The following TET2 variants were observed in gnomAD, a reference collection of about 807,000 sequenced individuals.
The protein encoded by TET2 is tet methylcytosine dioxygenase 2.
A neutral mutation model predicts 142.9 loss-of-function variants in TET2; 299 were observed. That is an observed-to-expected ratio of 2.09 (90% CI 1.90 to 2.30). The LOEUF (loss-of-function observed/expected upper bound fraction) is 2.30. TET2 is among the 30% of genes most tolerant of loss of function. The pLI, the probability that TET2 is intolerant of heterozygous loss-of-function variation, is 0.00. For missense variants in TET2, 2,418 were observed against 2,378.0 expected (o/e 1.02, Z -0.35); for synonymous variants, 819 against 849.0 (o/e 0.96, Z 0.61).
chr4:105,166,100 AAAAG>A (rs1233186116), intron 1 of TET2, among the ~76,000 whole-genome samples: 2 of 152,294 alleles, frequency 1.3e-5, no homozygotes, highest in East Asian at 1.9e-4. Context: ...TGCTAATTGA[AAAAG>A]AAAACACATC....
chr4:105,158,811 GAAAA>G (rs57197640), intron 1 of TET2, among the ~76,000 whole-genome samples: 1 of 143,348 alleles, frequency 7.0e-6, no homozygotes, highest in African/African-American at 2.5e-5. Context: ...CTCTTTTTTG[GAAAA>G]AAAAAAAGAA....
At position 105,269,684 on chromosome 4, in the gene TET2, A is replaced by C. The variant is rs557818132; in HGVS notation, c.4119A>C (p.Ala1373=). 3 of 1,551,672 alleles carry C rather than the reference A, an allele frequency of 1.9e-6. No individual in the cohort carries two copies. The change falls in exon 9 of 11, where the codon GCA becomes GCC. Residue 1373 remains alanine (A), a synonymous_variant. Transcript: ENST00000380013. ...KEGRPFSGVT[A]CLDFCAHAHR... is the part of the protein sequence containing the mutation. Reference sequence around the variant, plus strand: ...GCCGTCCATTCTCAGGGGTCACTGCATGTTTGGACTTCTGTGCTCATGCCC... The same window carrying C: ...GCCGTCCATTCTCAGGGGTCACTGCCTGTTTGGACTTCTGTGCTCATGCCC...
intron 1 of TET2, chr4:105,147,920 A>T (rs1443016282): frequency 6.6e-6 from 1 of 152,208 alleles, no homozygotes; most frequent in Non-Finnish European, 1.5e-5. Flanking sequence ...AATGAAACCC[A>T]ATCCCAGCAA....
chr4:105,179,659 T>A (rs2110444929), intron 1 of TET2, among the ~76,000 whole-genome samples: 1 of 152,352 alleles, frequency 6.6e-6, no homozygotes, highest in East Asian at 1.9e-4. Flanking sequence ...TACACTTAGA[T>A]GATTTGTGTC....
At chr4:105,162,719 CTTTTT>C (rs939683280) in intron 1 of TET2, among the ~76,000 whole-genome samples, 1 of 151,958 alleles carries the variant, frequency 6.6e-6, no homozygotes, top group East Asian at 1.9e-4. Flanking sequence ...GCTGCATTTT[CTTTTT>C]TTTAAGTGTT....
chr4:105,235,755 T>C lies in TET2; in HGVS notation c.1813T>C (p.Tyr605His), dbSNP rs758883766. The change falls in exon 3 of 11, where the codon TAC becomes CAC. Residue 605 changes from tyrosine (Y) to histidine (H), a missense_variant. Physicochemically the swap from Tyr to His is moderately conservative, Grantham distance 83. Coordinates refer to ENST00000380013, the MANE Select transcript of TET2 (RefSeq NM_001127208.3). ...CTCCAATCAAATGACCTCCAAACAATACACTGGAAATTCCAACATGCCTGG... is the reference window on the plus strand; with the variant it reads ...CTCCAATCAAATGACCTCCAAACAACACACTGGAAATTCCAACATGCCTGG... ...NLSNQMTSKQYTGNSNMPGGL... is the reference protein window; with the variant it reads ...NLSNQMTSKQHTGNSNMPGGL... The C allele has an allele frequency of 1.2e-6, 2 of 1,614,052 alleles. No individual in the cohort carries two copies. Among genetic ancestry groups the C allele is most frequent in the Middle Eastern group, 1.6e-4 (1 of 6,062 alleles).
Position 105,236,559 on chromosome 4 carries a change from A to C in TET2, c.2617A>C (p.Ile873Leu), listed in dbSNP as rs1016637304. Residue 873 changes from isoleucine (I) to leucine (L), a missense_variant, in exon 3 of 11, where the codon ATC (isoleucine) becomes CTC (leucine). Transcript: ENST00000380013. ...HHMQYFPNNVIPKQDLLHRCF... is the reference protein window; with the variant it reads ...HHMQYFPNNVLPKQDLLHRCF... ...CATGCAATATTTTCCAAATAATGTG[A>C]TCCCAAAGCAAGATCTTCTTCACAG... 6 of 1,614,012 alleles carry C rather than the reference A, an allele frequency of 3.7e-6. No homozygotes were observed. The African/African-American group carries it at 8.0e-5, about 22-fold the overall frequency.
At chr4:105,179,602 T>C (rs1344421015) in intron 1 of TET2, among the ~76,000 whole-genome samples, 1 of 152,214 alleles carries the variant, frequency 6.6e-6, no homozygotes, top group Admixed American at 6.5e-5. Context: ...ATCCTCTTCA[T>C]TTGGGAAATG....
rs980309376 is a variant in TET2 at position 105,275,631 on chromosome 4, C to T, written c.5121C>T (p.Ser1707=). ...AAAATATGCAGGGAGATGGTTTCAG[C>T]AGTTGTACCATTAGACCAAATGTAC... is the stretch of plus-strand genomic sequence containing the variant. ...GNQNMQGDGF[S]SCTIRPNVHH... Residue 1707 remains serine, a synonymous_variant, in exon 11 of 11, where the codon AGC becomes AGT. Coordinates refer to ENST00000380013, the MANE Select transcript of TET2 (RefSeq NM_001127208.3). 6.4e-7 allele frequency: 1 copy of T among 1,551,790 alleles called. No homozygotes were observed. Among genetic ancestry groups the T allele is most frequent in the Non-Finnish European group, 8.7e-7 (1 of 1,147,026 alleles).
intron 1 of TET2, among the ~76,000 whole-genome samples, chr4:105,187,859 G>C (rs1725547414): frequency 6.6e-6 from 1 of 152,080 alleles, no homozygotes; most frequent in Non-Finnish European, 1.5e-5. Flanking sequence ...ACAATAACAG[G>C]TGTTAGTGCG....
chr4:105,227,753 A>G (rs1349158226), intron 2 of TET2, among the ~76,000 whole-genome samples: 1 of 152,152 alleles, frequency 6.6e-6, no homozygotes, highest in Non-Finnish European at 1.5e-5. Flanking sequence ...AAAAATTTAT[A>G]TTTATCTGAA....
intron 1 of TET2, among the ~76,000 whole-genome samples, chr4:105,185,819 A>T (rs924827639): frequency 6.6e-6 from 1 of 152,156 alleles, no homozygotes; most frequent in Admixed American, 6.5e-5. Context: ...AATAGTTTAT[A>T]AAGATAAAAT....
upstream of TET2, chr4:105,146,614 CG>C: frequency 6.5e-6 from 1 of 153,530 alleles, no homozygotes. Context: ...CGGCGCAGGC[CG>C]GGGCGGAGCG....
At chr4:105,187,551 T>C (rs912707084) in intron 1 of TET2, among the ~76,000 whole-genome samples, 2 of 152,252 alleles carry the variant, frequency 1.3e-5, no homozygotes, top group African/African-American at 4.8e-5. Flanking sequence ...TTTCTAGAAT[T>C]ATCTATTTAT....
In TET2 at chr4:105,234,797, T is replaced by C. The variant is rs1490973147; in HGVS notation, c.855T>C (p.Pro285=). Residue 285 remains proline, a synonymous_variant, in exon 3 of 11, where the codon CCT becomes CCC. Coordinates refer to ENST00000380013, the MANE Select transcript of TET2 (RefSeq NM_001127208.3). ...NSAQTSNSEL[P]PKPAAVVSEA... ...CACAGACCTCTAACTCTGAGCTGCC[T>C]CCAAAGCCAGCTGCAGTGGTGAGTG... 1 of 1,613,942 alleles carries C rather than the reference T, an allele frequency of 6.2e-7. No homozygotes were observed. Among genetic ancestry groups the C allele is most frequent in the Non-Finnish European group, 8.5e-7 (1 of 1,179,944 alleles).
intron 2 of TET2, among the ~76,000 whole-genome samples, chr4:105,208,712 G>A (rs1726969410): frequency 6.6e-6 from 1 of 152,090 alleles, no homozygotes; most frequent in South Asian, 2.1e-4. Flanking sequence ...TGAGTAGTCA[G>A]TGTTTCCAAT....
At chr4:105,261,163 T>C (rs145458835) in intron 7 of TET2, among the ~76,000 whole-genome samples, 34 of 152,170 alleles carry the variant, frequency 2.2e-4, no homozygotes, top group African/African-American at 8.2e-4. Flanking sequence ...TTTAACAGTA[T>C]ATTACTTGGA....
chr4:105,204,748 G>C (rs1046742085), intron 2 of TET2, among the ~76,000 whole-genome samples: 1 of 151,950 alleles, frequency 6.6e-6, no homozygotes, highest in African/African-American at 2.4e-5. Flanking sequence ...CTAATTTATT[G>C]GTTTAAAATA....
chr4:105,178,772 TATA>T lies in TET2; in HGVS notation c.-192-11577_-192-11575del, dbSNP rs1190563334. 1.6e-4 allele frequency among the ~76,000 whole-genome samples: 25 copies of T among 152,102 alleles called. No individual in the cohort carries two copies. In the East Asian group the frequency reaches 3.9e-3, roughly 23 times the overall value. On this transcript the variant is annotated intron_variant, in intron 1 of 10. Transcript: ENST00000380013. ...TGCACATGTACCCTAAAACTTAAAG[TATA>T]ATAATAATAAAATAAATTTAGGCAA...
Sources: gnomAD v4.1 joint callset for allele counts (sites outside exome capture counted in the v4.1 genomes callset) on GRCh38, gnomAD v4.1.1 for gene constraint, MANE v1.5 for transcripts, NCBI Gene and HGNC (gene_info 2026-07-23, HGNC 2026-07-21) for gene names.